The following ADCY1 variants were observed in gnomAD, a reference collection of about 807,000 sequenced individuals.
The protein encoded by ADCY1 is adenylate cyclase type 1.
A neutral mutation model predicts 105.4 loss-of-function variants in ADCY1; 28 were observed. The observed-to-expected ratio is 0.27, with a 90% confidence interval of 0.20 to 0.36. The LOEUF (loss-of-function observed/expected upper bound fraction) is 0.36, where lower values mean the gene tolerates loss of function less well. Among genes scored for constraint, ADCY1 ranks in the 10% least tolerant of loss-of-function variants. The pLI, the probability that ADCY1 is intolerant of heterozygous loss-of-function variation, is 1.00. For synonymous variants in ADCY1, 655 were observed against 623.8 expected (o/e 1.05, Z -0.75); for missense variants, 977 against 1,434.2 (o/e 0.68, Z 5.15).
At position 45,596,373 on chromosome 7, in the gene ADCY1, G is replaced by A. The variant is rs79830656; in HGVS notation, c.789+3465G>A. 2.6e-3 allele frequency among the ~76,000 whole-genome samples: 398 copies of A among 152,022 alleles called. 2 individuals carry two copies. Among genetic ancestry groups the A allele is most frequent in the African/African-American group, 9.1e-3 (377 of 41,436 alleles). ...GAGGGGATATGGGGGGATGTGACCT[G>A]ATTCTGTGGGGGGATCCAGGGAGAC... On this transcript the variant is annotated intron_variant, in intron 2 of 19. Coordinates refer to ENST00000297323, the MANE Select transcript of ADCY1 (RefSeq NM_021116.4).
At chr7:45,646,046 C>T (rs185873668) in intron 4 of ADCY1, among the ~76,000 whole-genome samples, 1 of 152,034 alleles carries the variant, frequency 6.6e-6, no homozygotes, top group Non-Finnish European at 1.5e-5. Context: ...GGTGTGGCCG[C>T]TTCCCCTTCC....
chr7:45,640,474 A>G (rs964605871), intron 4 of ADCY1, among the ~76,000 whole-genome samples: 5 of 152,252 alleles, frequency 3.3e-5, no homozygotes, highest in African/African-American at 1.2e-4. Context: ...AGGTAGAGTC[A>G]AAGTCAAAGA....
intron 1 of ADCY1, among the ~76,000 whole-genome samples, chr7:45,592,072 C>T (rs565701516): frequency 5.3e-4 from 78 of 147,128 alleles, no homozygotes; most frequent in Non-Finnish European, 1.0e-3. Context: ...TTTTTGTGAA[C>T]TCACCTTTCC....
chr7:45,683,944 G>A (rs1464142424), intron 11 of ADCY1, among the ~76,000 whole-genome samples: 1 of 152,248 alleles, frequency 6.6e-6, no homozygotes, highest in Admixed American at 6.5e-5. Flanking sequence ...TTAGCACACC[G>A]AGCTCACGCC....
chr7:45,652,045 A>G (rs1273978002), intron 5 of ADCY1, among the ~76,000 whole-genome samples: 1 of 152,166 alleles, frequency 6.6e-6, no homozygotes, highest in East Asian at 1.9e-4. Flanking sequence ...GCCTCAGGAG[A>G]CTTACAATCA....
At chr7:45,671,075 G>T (rs1229329659) in intron 8 of ADCY1, among the ~76,000 whole-genome samples, 1 of 152,232 alleles carries the variant, frequency 6.6e-6, no homozygotes, top group African/African-American at 2.4e-5. Context: ...AGAGATTTGC[G>T]CTGGCAAGGA....
At chr7:45,632,449 G>A (rs1794283066) in intron 4 of ADCY1, among the ~76,000 whole-genome samples, 2 of 152,070 alleles carry the variant, frequency 1.3e-5, no homozygotes, top group African/African-American at 2.4e-5. Context: ...TCTGATTCAC[G>A]AACACTGTAT....
chr7:45,621,895 T>C (rs535320812), intron 3 of ADCY1, among the ~76,000 whole-genome samples: 1 of 152,320 alleles, frequency 6.6e-6, no homozygotes, highest in East Asian at 1.9e-4. Flanking sequence ...ATAATTAATT[T>C]TTTTCTAATA....
intron 5 of ADCY1, among the ~76,000 whole-genome samples, chr7:45,651,168 G>A (rs1029493051): frequency 2.6e-5 from 4 of 152,162 alleles, no homozygotes; most frequent in Non-Finnish European, 5.9e-5. Context: ...CAGAGTTCCT[G>A]TCACTCAGCT....
chr7:45,641,186 C>T (rs891422735), intron 4 of ADCY1, among the ~76,000 whole-genome samples: 1 of 152,192 alleles, frequency 6.6e-6, no homozygotes, highest in Non-Finnish European at 1.5e-5. Context: ...CTTTGCTCTC[C>T]TTGTGGATCC....
intron 1 of ADCY1, among the ~76,000 whole-genome samples, chr7:45,583,283 G>T (rs1792618052): frequency 6.6e-6 from 1 of 152,210 alleles, no homozygotes; most frequent in Admixed American, 6.5e-5. Flanking sequence ...GCATACAAGT[G>T]CAAGAGCATT....
rs183064485 is a variant in ADCY1 at position 45,714,950 on chromosome 7, G to A, written c.*955G>A. On this transcript the variant is annotated 3_prime_UTR_variant, in exon 20 of 20. Transcript: ENST00000297323. ...GGCTCCACTTCTGTTGAATATGAGC[G>A]GCTGTCACACCCATGAGCAAGTTTC... The A allele has an allele frequency of 6.6e-6, 1 of 152,164 alleles. No individual in the cohort carries two copies. The highest frequency in any genetic ancestry group is 1.5e-5 in the Non-Finnish European group (1 of 68,046). 9.4% of individuals were successfully genotyped at this position (152,164 alleles called of 1,614,324 possible).
intron 1 of ADCY1, among the ~76,000 whole-genome samples, chr7:45,586,451 C>T (rs1027765124): frequency 6.6e-6 from 1 of 152,182 alleles, no homozygotes; most frequent in Non-Finnish European, 1.5e-5. Flanking sequence ...TTCAAATATA[C>T]ACAAAAGTAG....
intron 4 of ADCY1, among the ~76,000 whole-genome samples, chr7:45,624,598 G>T (rs1262256323): frequency 2.0e-5 from 3 of 152,122 alleles, no homozygotes; most frequent in Non-Finnish European, 4.4e-5. Context: ...GATAGCCTGG[G>T]CCAAAGTTCC....
intron 11 of ADCY1, 139 bp downstream of exon 11, chr7:45,679,932 G>T (rs1784525001): frequency 2.2e-6 from 2 of 895,914 alleles, no homozygotes; most frequent in Non-Finnish European, 3.4e-6. Context: ...CCTTGTTCAG[G>T]TATGTGGGTG....
chr7:45,683,775 G>A (rs1257357003), intron 11 of ADCY1, among the ~76,000 whole-genome samples: 1 of 152,172 alleles, frequency 6.6e-6, no homozygotes, highest in Non-Finnish European at 1.5e-5. Flanking sequence ...CACAGGTAGG[G>A]GTTCAGGCTC....
intron 17 of ADCY1, among the ~76,000 whole-genome samples, chr7:45,705,102 C>G (rs1005851146): frequency 5.9e-5 from 9 of 152,136 alleles, no homozygotes; most frequent in Non-Finnish European, 1.2e-4. Context: ...AAAGAGAAAG[C>G]ACCAGATTGA....
chr7:45,686,611 C>T lies in ADCY1; in HGVS notation c.2392C>T (p.Leu798=). Residue 798 remains leucine (L), a synonymous_variant, in exon 14 of 20, where the codon CTG becomes TTG. Coordinates refer to ENST00000297323, the MANE Select transcript of ADCY1 (RefSeq NM_021116.4). The surrounding 1 kb of genome is among the most constrained non-coding windows in gnomAD (Gnocchi z 4.3). ...IVAILLFSCA[L]ALHARQVDIR... ...GGCCATCCTGCTCTTCTCCTGTGCG[C>T]TGGCCCTGCATGCCAGGCAGGTGGA... 1 of 1,613,642 alleles carries T rather than the reference C, an allele frequency of 6.2e-7. No individual in the cohort carries two copies. Among genetic ancestry groups the T allele is most frequent in the Non-Finnish European group, 8.5e-7 (1 of 1,179,628 alleles).
At chr7:45,643,703 C>T (rs1171597754) in intron 4 of ADCY1, among the ~76,000 whole-genome samples, 1 of 152,126 alleles carries the variant, frequency 6.6e-6, no homozygotes, top group African/African-American at 2.4e-5. Flanking sequence ...AAACCGAAGT[C>T]GAGGTACATG....
Sources: allele counts gnomAD v4.1 joint callset (sites outside exome capture counted in the v4.1 genomes callset), GRCh38; gene constraint gnomAD v4.1.1; non-coding constraint Gnocchi (gnomAD v3.1); transcripts MANE v1.5; gene names NCBI Gene and HGNC (gene_info 2026-07-23, HGNC 2026-07-21).